The following IGF2R variants were observed in gnomAD, a reference collection of about 807,000 sequenced individuals.
The protein encoded by IGF2R is insulin like growth factor 2 receptor, also known as cation-independent mannose-6-phosphate receptor.
Under a neutral mutation model 270.6 loss-of-function variants are expected in IGF2R, and 91 were observed. That is an observed-to-expected ratio of 0.34 (90% CI 0.28 to 0.40). IGF2R has a LOEUF of 0.40. Ranked by LOEUF, IGF2R falls within the 10% of genes least tolerant of loss-of-function variation. The pLI, the probability that IGF2R is intolerant of heterozygous loss-of-function variation, is 1.00. For synonymous variants in IGF2R, 1,316 were observed against 1,258.9 expected (o/e 1.05, Z -0.96); for missense variants, 2,805 against 3,188.3 (o/e 0.88, Z 2.90).
chr6:160,024,599 T>C lies in IGF2R; in HGVS notation c.541T>C (p.Leu181=), dbSNP rs1186541293. ...EVPCYVFDEE[L]RKHDLNPLIK... is the part of the protein sequence containing the mutation. ...GCCATGCTATGTGTTTGATGAAGAG[T>C]TGAGGAAGCATGATCTCAATCCTCT... is the stretch of plus-strand genomic sequence containing the variant. The change falls in exon 5 of 48, where the codon TTG becomes CTG. Residue 181 remains leucine (L), a synonymous_variant. Transcript: ENST00000356956. 20 of 1,613,898 alleles carry C rather than the reference T, an allele frequency of 1.2e-5. No homozygotes were observed. The highest frequency in any genetic ancestry group is 3.3e-5 in the Admixed American group (2 of 59,986).
chr6:160,094,454 TGTTCACG>T (rs1384922844), intron 44 of IGF2R: 1 of 179,694 alleles, frequency 5.6e-6, no homozygotes, highest in Non-Finnish European at 1.2e-5. Context: ...TTCAACATAC[TGTTCACG>T]TAGTCATGCA....
In IGF2R at chr6:160,102,081, G is replaced by C. The variant is rs8191941; in HGVS notation, c.6843-438G>C. Reference sequence around the variant, plus strand: ...CCTGGGCCCCTTTCGTGTGGAGATGGTGTCTCATGGTGGGCTGCGCTCACT... The same window carrying C: ...CCTGGGCCCCTTTCGTGTGGAGATGCTGTCTCATGGTGGGCTGCGCTCACT... On this transcript the variant is annotated intron_variant, in intron 45 of 47. Coordinates refer to ENST00000356956, the MANE Select transcript of IGF2R (RefSeq NM_000876.4). This position sits in a 1 kb window ranked among gnomAD's most constrained non-coding sequence, Gnocchi z 4.5. 4.5e-4 allele frequency among the ~76,000 whole-genome samples: 68 copies of C among 152,336 alleles called. 1 individual carries two copies. The South Asian group carries it at 0.014, about 32-fold the overall frequency.
intron 18 of IGF2R, among the ~76,000 whole-genome samples, chr6:160,049,708 G>A (rs1173195434): frequency 6.6e-6 from 1 of 152,206 alleles, no homozygotes; most frequent in Non-Finnish European, 1.5e-5. Flanking sequence ...CCTTAGGTGA[G>A]CCACTTAACA....
rs903216999 is a variant in IGF2R, at chr6:159,991,740, A to C, written c.289+417A>C. On this transcript the variant is annotated intron_variant, in intron 2 of 47. Coordinates refer to ENST00000356956, the MANE Select transcript of IGF2R (RefSeq NM_000876.4). ...CCAGCTTTGGCTGTAGTTCCCAGACAGTGTTTCTGCTGTCAAAGATGGTCA... is the reference window on the plus strand; with the variant it reads ...CCAGCTTTGGCTGTAGTTCCCAGACCGTGTTTCTGCTGTCAAAGATGGTCA... 4.6e-5 allele frequency among the ~76,000 whole-genome samples: 7 copies of C among 152,186 alleles called. 1 individual carries two copies. Among genetic ancestry groups the C allele is most frequent in the Non-Finnish European group, 2.9e-5 (2 of 68,028 alleles).
chr6:160,085,425 T>G (rs1779079395), intron 41 of IGF2R, among the ~76,000 whole-genome samples: 1 of 152,240 alleles, frequency 6.6e-6, no homozygotes, highest in Non-Finnish European at 1.5e-5. Flanking sequence ...TCCTCTGAAG[T>G]TCACGTTCTA....
In IGF2R at chr6:160,080,217, G is replaced by T; in HGVS notation, c.5775G>T (p.Leu1925=). The T allele has an allele frequency of 2.5e-6, 4 of 1,614,240 alleles. No homozygotes were observed. The highest frequency in any genetic ancestry group is 3.4e-6 in the Non-Finnish European group (4 of 1,180,040). ...EECIIESRAK[L]WCSTTADYDR... is the part of the protein sequence containing the mutation. ...GCATCATAGAGAGCAGGGCGAAGCT[G>T]TGGTGTAGCACAACTGCGGACTACG... Residue 1925 remains leucine (L), a synonymous_variant, in exon 39 of 48, where the codon CTG becomes CTT. Transcript: ENST00000356956.
chr6:160,079,500 A>G, intron 37 of IGF2R, 80 bp from the exon 38 acceptor site: 1 of 987,026 alleles, frequency 1.0e-6, no homozygotes, highest in South Asian at 3.4e-5. Context: ...CTCCAGCATC[A>G]GCTGCAATAG....
intron 4 of IGF2R, among the ~76,000 whole-genome samples, chr6:160,017,984 C>T (rs889708984): frequency 6.6e-6 from 1 of 152,108 alleles, no homozygotes; most frequent in Non-Finnish European, 1.5e-5. Context: ...AGCATTATGA[C>T]AGGAATAAAA....
At chr6:160,062,862 A>T (rs1412067662) in intron 26 of IGF2R, among the ~76,000 whole-genome samples, 1 of 151,524 alleles carries the variant, frequency 6.6e-6, no homozygotes, top group Non-Finnish European at 1.5e-5. Flanking sequence ...ATGCTTGAAG[A>T]CACTAATGTG....
intron 33 of IGF2R, 76 bp from the exon 34 acceptor site, chr6:160,073,137 C>G: frequency 3.2e-6 from 5 of 1,567,386 alleles, no homozygotes; most frequent in African/African-American, 1.4e-5. Flanking sequence ...ATGGTCCTGA[C>G]TTGCGAAAGT....
At chr6:159,994,099 TG>T (rs1784018103) in intron 2 of IGF2R, among the ~76,000 whole-genome samples, 1 of 151,586 alleles carries the variant, frequency 6.6e-6, no homozygotes, top group African/African-American at 2.4e-5. Flanking sequence ...TGCTTTTTCT[TG>T]GGAGATTTTT....
intron 1 of IGF2R, among the ~76,000 whole-genome samples, chr6:159,980,200 A>AAAGG (rs1562330468): frequency 5.0e-5 from 4 of 80,706 alleles, no homozygotes; most frequent in African/African-American, 1.4e-4. Context: ...AGAAAGAAAG[A>AAAGG]AAGAAAGAAA....
chr6:160,031,048 C>T (rs1242264171), intron 7 of IGF2R, among the ~76,000 whole-genome samples: 2 of 152,074 alleles, frequency 1.3e-5, no homozygotes, highest in Non-Finnish European at 2.9e-5. Flanking sequence ...TGCTATGTTG[C>T]CCAGGCTGGT....
Position 160,109,579 on chromosome 6 carries a change from C to T in IGF2R, c.*4495C>T, listed in dbSNP as rs1779702460. The T allele has an allele frequency of 6.6e-6, 1 of 152,220 alleles. No homozygotes were observed. The highest frequency in any genetic ancestry group is 1.5e-5 in the Non-Finnish European group (1 of 68,038). The allele number at this position is 152,220 out of a possible 1,614,324, so 9.4% of individuals were successfully genotyped here. A position where few individuals can be genotyped will look rare whatever the true frequency, so the allele number is the denominator to read the frequency against. On this transcript the variant is annotated 3_prime_UTR_variant, in exon 48 of 48. Transcript: ENST00000356956. ...AGAACCACAATATGTGGGGACGGTACTGCCAGCTAAGCCTTAGTGCTGTTT... is the reference window on the plus strand; with the variant it reads ...AGAACCACAATATGTGGGGACGGTATTGCCAGCTAAGCCTTAGTGCTGTTT...
At chr6:160,058,430 A>G (rs1256853530) in intron 21 of IGF2R, among the ~76,000 whole-genome samples, 1 of 152,210 alleles carries the variant, frequency 6.6e-6, no homozygotes, top group Non-Finnish European at 1.5e-5. Flanking sequence ...TCCTTACTGT[A>G]TCTTCACACC....
At chr6:160,061,676 T>G (rs375762872) in intron 24 of IGF2R, 30 bp downstream of exon 24, 56 of 1,613,768 alleles carry the variant, frequency 3.5e-5, no homozygotes, top group Middle Eastern at 1.6e-4. Flanking sequence ...TTGATTGGCG[T>G]CTGTTCATTT....
intron 41 of IGF2R, 89 bp downstream of exon 41, chr6:160,085,220 G>A: frequency 7.1e-7 from 1 of 1,411,866 alleles, no homozygotes; most frequent in Non-Finnish European, 9.8e-7. Flanking sequence ...AGGAGAGTGA[G>A]CATGTGCTTT....
Position 160,065,187 on chromosome 6 carries a change from G to A in IGF2R, c.4115+286G>A, listed in dbSNP as rs572210018. On this transcript the variant is annotated intron_variant, in intron 29 of 47. Transcript: ENST00000356956. ...TCAGTGAGCAGAGTGGGCCAGGAGC[G>A]GTGTGGTGACCCCTGCGATGAAGGG... 2.0e-5 allele frequency among the ~76,000 whole-genome samples: 3 copies of A among 152,276 alleles called. No individual in the cohort carries two copies. The South Asian group carries it at 6.2e-4, about 32-fold the overall frequency.
intron 6 of IGF2R, among the ~76,000 whole-genome samples, chr6:160,029,220 A>G (rs1328283901): frequency 6.6e-6 from 1 of 152,186 alleles, no homozygotes; most frequent in East Asian, 1.9e-4. Context: ...ACCTCAGGTG[A>G]TCCACCACCT....
Sources: gnomAD v4.1 joint callset for allele counts (sites outside exome capture counted in the v4.1 genomes callset) on GRCh38, gnomAD v4.1.1 for gene constraint, Gnocchi (gnomAD v3.1) non-coding constraint, MANE v1.5 for transcripts, NCBI Gene and HGNC (gene_info 2026-07-23, HGNC 2026-07-21) for gene names.